KCNQ3: variants seen among roughly 807,000 people sequenced by gnomAD.
The protein encoded by KCNQ3 is potassium voltage-gated channel subfamily Q member 3.
KCNQ3 carries 30 observed loss-of-function variants against 92.5 expected under a neutral mutation model. That is an observed-to-expected ratio of 0.32 (90% CI 0.24 to 0.44). The LOEUF (loss-of-function observed/expected upper bound fraction) is 0.44. Ranked by LOEUF, KCNQ3 falls within the 20% of genes least tolerant of loss-of-function variation. The pLI, the probability that KCNQ3 is intolerant of heterozygous loss-of-function variation, is 1.00. For synonymous variants in KCNQ3, 450 were observed against 468.8 expected, an observed-to-expected ratio of 0.96 and a Z score of 0.52; for missense variants, 913 against 1,140.3, an observed-to-expected ratio of 0.80 and a Z score of 2.87.
chr8:132,307,434 C>T (rs560083916), intron 1 of KCNQ3, among the ~76,000 whole-genome samples: 5 of 152,218 alleles, frequency 3.3e-5, no homozygotes, highest in Non-Finnish European at 7.3e-5. Context: ...AAGTAAGCTA[C>T]AACAACTACA....
At chr8:132,372,770 AAAC>A (rs1255528109) in intron 1 of KCNQ3, among the ~76,000 whole-genome samples, 10 of 150,012 alleles carry the variant, frequency 6.7e-5, no homozygotes, top group African/African-American at 2.0e-4. Flanking sequence ...AAAAAAAAAA[AAAC>A]AAAAAAAAAA....
intron 1 of KCNQ3, among the ~76,000 whole-genome samples, chr8:132,478,990 T>C (rs1332849827): frequency 7.0e-6 from 1 of 142,106 alleles, no homozygotes; most frequent in African/African-American, 2.6e-5. Context: ...GGAGGGGGGG[T>C]TGCCAAGGTC....
chr8:132,249,756 G>A (rs114338745), intron 1 of KCNQ3, among the ~76,000 whole-genome samples: 2 of 152,172 alleles, frequency 1.3e-5, no homozygotes, highest in Admixed American at 1.3e-4. Context: ...CCACGGCTAG[G>A]GGGAGGCTCG....
At chr8:132,459,578 T>C (rs902943546) in intron 1 of KCNQ3, among the ~76,000 whole-genome samples, 2 of 152,160 alleles carry the variant, frequency 1.3e-5, no homozygotes, top group African/African-American at 2.4e-5. Flanking sequence ...TCATGAGGGA[T>C]CTAACCCCAT....
chr8:132,137,830 T>C, intron 12 of KCNQ3, 55 bp downstream of exon 12: 2 of 1,602,616 alleles, frequency 1.2e-6, no homozygotes, highest in Non-Finnish European at 1.7e-6. Flanking sequence ...CCTTAAACTC[T>C]AAGGTTCATA....
chr8:132,137,528 G>C (rs185009174), intron 12 of KCNQ3, among the ~76,000 whole-genome samples: 1 of 152,262 alleles, frequency 6.6e-6, no homozygotes, highest in African/African-American at 2.4e-5. Context: ...TTTTAAATAT[G>C]GTAAAGAATT....
At chr8:132,326,699 T>C (rs1402734753) in intron 1 of KCNQ3, among the ~76,000 whole-genome samples, 1 of 152,196 alleles carries the variant, frequency 6.6e-6, no homozygotes, top group African/African-American at 2.4e-5. Flanking sequence ...AGGCACCATC[T>C]TGAAAGAAGA....
chr8:132,322,657 G>A (rs1235454648), intron 1 of KCNQ3, among the ~76,000 whole-genome samples: 1 of 152,202 alleles, frequency 6.6e-6, no homozygotes, highest in African/African-American at 2.4e-5. Flanking sequence ...CAGGCTTTCA[G>A]ACAGGCGAAA....
chr8:132,211,679 A>G (rs768850215), intron 1 of KCNQ3, among the ~76,000 whole-genome samples: 1 of 152,140 alleles, frequency 6.6e-6, no homozygotes, highest in Non-Finnish European at 1.5e-5. Flanking sequence ...TTGGACGGGC[A>G]TGGTGGCTCA....
At chr8:132,149,687 C>G (rs904563633) in intron 9 of KCNQ3, among the ~76,000 whole-genome samples, 2 of 152,286 alleles carry the variant, frequency 1.3e-5, no homozygotes, top group South Asian at 2.1e-4. Context: ...GCCACAGACA[C>G]GCGCGCGGGA....
At chr8:132,370,718 T>C (rs1390266138) in intron 1 of KCNQ3, among the ~76,000 whole-genome samples, 1 of 152,186 alleles carries the variant, frequency 6.6e-6, no homozygotes, top group Non-Finnish European at 1.5e-5. Context: ...GGAATGCCCT[T>C]CTTACTGGTA....
At chr8:132,476,538 C>T (rs1040372128) in intron 1 of KCNQ3, among the ~76,000 whole-genome samples, 1 of 152,192 alleles carries the variant, frequency 6.6e-6, no homozygotes, top group African/African-American at 2.4e-5. Flanking sequence ...TATTTTGGAG[C>T]TTTTTTAATG....
intron 1 of KCNQ3, among the ~76,000 whole-genome samples, chr8:132,346,395 G>T (rs1359082675): frequency 6.6e-6 from 1 of 152,192 alleles, no homozygotes; most frequent in South Asian, 2.1e-4. Flanking sequence ...TCTTTGAGGT[G>T]AGCTGGAGCC....
intron 13 of KCNQ3, among the ~76,000 whole-genome samples, chr8:132,133,665 T>C (rs962242819): frequency 3.3e-5 from 5 of 152,224 alleles, no homozygotes; most frequent in African/African-American, 1.2e-4. Context: ...CTTGATTCTT[T>C]TATAAGTGGA....
chr8:132,187,840 G>GTGT (rs1827036314), intron 1 of KCNQ3, among the ~76,000 whole-genome samples: 1 of 125,002 alleles, frequency 8.0e-6, no homozygotes, highest in African/African-American at 3.8e-5. Context: ...GATTGTGGTG[G>GTGT]TGGTGGTGGT....
chr8:132,458,356 T>A (rs1055210339), intron 1 of KCNQ3, among the ~76,000 whole-genome samples: 3 of 152,280 alleles, frequency 2.0e-5, no homozygotes, highest in Non-Finnish European at 2.9e-5. Context: ...CATGAAGGCA[T>A]CCAAGCTTCC....
chr8:132,249,934 C>T (rs1400231702), intron 1 of KCNQ3, among the ~76,000 whole-genome samples: 9 of 152,192 alleles, frequency 5.9e-5, no homozygotes, highest in African/African-American at 1.2e-4. Context: ...CCAGCGGCAC[C>T]GGCCGGCCGC....
At chr8:132,376,879 C>T (rs1408933892) in intron 1 of KCNQ3, among the ~76,000 whole-genome samples, 1 of 152,082 alleles carries the variant, frequency 6.6e-6, no homozygotes, top group Non-Finnish European at 1.5e-5. Flanking sequence ...TGTGCTAATC[C>T]CCTCCACCAT....
chr8:132,326,300 C>T lies in KCNQ3; in HGVS notation c.387-140119G>A, dbSNP rs1006634816. Among the ~76,000 whole-genome samples the T allele has an allele frequency of 7.9e-5, 12 of 152,220 alleles. No individual in the cohort carries two copies. The East Asian group carries it at 2.3e-3, about 29-fold the overall frequency. ...ATTCCTGTGCCTGGAAGTCATCGGG[C>T]AGGGTTCCAAGGCCACCAATAGCAG... On this transcript the variant is annotated intron_variant, in intron 1 of 14. Transcript: ENST00000388996.
Sources: allele counts gnomAD v4.1 joint callset (sites outside exome capture counted in the v4.1 genomes callset), GRCh38; gene constraint gnomAD v4.1.1; transcripts MANE v1.5; gene names NCBI Gene and HGNC (gene_info 2026-07-23, HGNC 2026-07-21).